The following ASTN1 variants were observed in gnomAD, a reference collection of about 807,000 sequenced individuals.
The protein encoded by ASTN1 is astrotactin-1.
Under a neutral mutation model 140.7 loss-of-function variants are expected in ASTN1, and 41 were observed. The ratio of observed to expected loss-of-function variants is 0.29; its 90% CI spans 0.23 to 0.38. The LOEUF is 0.38. ASTN1 is among the 10% of genes least tolerant of loss of function. The probability of loss-of-function intolerance (pLI) is 1.00; values close to 1 mark genes in which losing one functional copy is unlikely to be tolerated. For synonymous variants in ASTN1, 640 were observed against 652.2 expected, an observed-to-expected ratio of 0.98 and a Z score of 0.29; for missense variants, 1,479 against 1,678.8, an observed-to-expected ratio of 0.88 and a Z score of 2.08.
chr1:176,957,022 A>C (rs1400451460), intron 11 of ASTN1, among the ~76,000 whole-genome samples: 1 of 152,064 alleles, frequency 6.6e-6, no homozygotes. Context: ...CTCAGCCTCC[A>C]GAGTAGGTAA....
intron 2 of ASTN1, among the ~76,000 whole-genome samples, chr1:177,051,984 T>C (rs186500675): frequency 3.3e-5 from 5 of 152,302 alleles, no homozygotes; most frequent in Admixed American, 3.3e-4. Flanking sequence ...AATCATAAGA[T>C]ACCTGGTAGG....
intron 8 of ASTN1, among the ~76,000 whole-genome samples, chr1:176,994,155 G>A (rs1674327776): frequency 1.3e-5 from 2 of 150,982 alleles, no homozygotes; most frequent in Admixed American, 1.3e-4. Context: ...AAAATAGCAG[G>A]TAAATTCCTC....
chr1:177,063,842 G>A (rs192955771), intron 1 of ASTN1, among the ~76,000 whole-genome samples: 14 of 152,056 alleles, frequency 9.2e-5, no homozygotes, highest in African/African-American at 2.7e-4. Context: ...ACCTGATGAC[G>A]GAATTAAATC....
At chr1:177,131,495 C>T (rs1004749137) in intron 1 of ASTN1, among the ~76,000 whole-genome samples, 4 of 151,932 alleles carry the variant, frequency 2.6e-5, no homozygotes, top group African/African-American at 9.7e-5. Flanking sequence ...TAATAGTAAA[C>T]CCATCTGCTG....
chr1:177,130,940 C>A (rs1161301980), intron 1 of ASTN1, among the ~76,000 whole-genome samples: 1 of 152,180 alleles, frequency 6.6e-6, no homozygotes, highest in African/African-American at 2.4e-5. Context: ...GTTATTTTTT[C>A]TATCCTTAGA....
intron 8 of ASTN1, among the ~76,000 whole-genome samples, chr1:176,994,324 G>A (rs1174771233): frequency 6.6e-6 from 1 of 151,822 alleles, no homozygotes; most frequent in African/African-American, 2.4e-5. Context: ...CCTCTTTCCT[G>A]TCTCAATTAT....
chr1:176,877,353 A>G (rs934283776), intron 20 of ASTN1, among the ~76,000 whole-genome samples: 1 of 152,158 alleles, frequency 6.6e-6, no homozygotes, highest in African/African-American at 2.4e-5. Flanking sequence ...GATGCAAAAC[A>G]GCCCTAGTGG....
At chr1:177,122,340 G>A (rs1156433072) in intron 1 of ASTN1, among the ~76,000 whole-genome samples, 1 of 152,134 alleles carries the variant, frequency 6.6e-6, no homozygotes, top group Non-Finnish European at 1.5e-5. Context: ...ACAAAACCCA[G>A]AGAGTAGAAC....
Position 176,882,971 on chromosome 1 carries a change from C to T in ASTN1, c.3250G>A (p.Asp1084Asn), listed in dbSNP as rs768518262. The change falls in exon 20 of 23, where the codon GAC (aspartate) becomes AAC (asparagine). Residue 1084 changes from aspartate to asparagine, a missense_variant. Physicochemically the swap from Asp to Asn is conservative, Grantham distance 23. Transcript: ENST00000361833. ...GGAGACTTTGCTCCAGAGATGATGT[C>T]GTCCACAAAGCTCAGCACTGTTTCT... ...ETETVLSFVD[D>N]IISGAKSPCA... 37 of 1,613,954 alleles carry T rather than the reference C, an allele frequency of 2.3e-5. No individual in the cohort carries two copies. The highest frequency in any genetic ancestry group is 1.6e-4 in the South Asian group (15 of 91,078).
intron 16 of ASTN1, among the ~76,000 whole-genome samples, 195 bp from the exon 17 acceptor site, chr1:176,895,025 C>G (rs1185702127): frequency 6.6e-6 from 1 of 152,180 alleles, no homozygotes; most frequent in Non-Finnish European, 1.5e-5. Flanking sequence ...GGAAATGGCC[C>G]TTTTCAGTGA....
chr1:176,915,616 C>T (rs898941009), intron 16 of ASTN1, among the ~76,000 whole-genome samples: 1 of 152,162 alleles, frequency 6.6e-6, no homozygotes, highest in African/African-American at 2.4e-5. Flanking sequence ...TACACAGCTT[C>T]CGGTGGTATC....
chr1:176,894,499 C>G (rs955143610), intron 17 of ASTN1, 63 bp downstream of exon 17: 5 of 1,570,064 alleles, frequency 3.2e-6, no homozygotes, highest in Non-Finnish European at 4.3e-6. Context: ...CTTCCTCACA[C>G]CATTTGGAAA....
In ASTN1 at chr1:176,884,837, T is replaced by C. The variant is rs76862783; in HGVS notation, c.3075-347A>G. ...TATGGCTGGAAAATATCATAATTTC[T>C]AGATTTTCTCTTGAAAAATATCAAG... On this transcript the variant is annotated intron_variant, in intron 18 of 22. Coordinates refer to ENST00000361833, the MANE Select transcript of ASTN1 (RefSeq NM_004319.3). 6.7e-3 allele frequency among the ~76,000 whole-genome samples: 1,020 copies of C among 152,308 alleles called. 10 individuals carry two copies. The highest frequency in any genetic ancestry group is 0.023 in the African/African-American group (943 of 41,550).
At chr1:176,935,026 C>G (rs557274508) in intron 15 of ASTN1, among the ~76,000 whole-genome samples, 1 of 152,196 alleles carries the variant, frequency 6.6e-6, no homozygotes, top group Non-Finnish European at 1.5e-5. Context: ...GGCCTCCTCT[C>G]CCCCAACCCT....
In ASTN1 at chr1:177,160,501, A is replaced by T. The variant is rs541400861; in HGVS notation, c.283+3893T>A. On this transcript the variant is annotated intron_variant, in intron 1 of 22. Coordinates refer to ENST00000361833, the MANE Select transcript of ASTN1 (RefSeq NM_004319.3). ...ACAAGAGAAACATCTTTCTTCACTA[A>T]GTTGTACATATGCAAAAGCTCAACA... Among the ~76,000 whole-genome samples, 25 of 152,354 alleles carry T rather than the reference A, an allele frequency of 1.6e-4. 2 individuals carry two copies. In the South Asian group the frequency reaches 2.5e-3, roughly 15 times the overall value.
intron 8 of ASTN1, among the ~76,000 whole-genome samples, chr1:177,003,815 AAAAAAAAAGAAAG>A (rs1326726770): frequency 1.3e-5 from 2 of 151,164 alleles, no homozygotes; most frequent in East Asian, 3.9e-4. Flanking sequence ...TCTGTCTAAA[AAAAAAAAAGAAAG>A]AAAGAAAAGA....
At chr1:177,091,233 G>T (rs1328359230) in intron 1 of ASTN1, among the ~76,000 whole-genome samples, 1 of 152,156 alleles carries the variant, frequency 6.6e-6, no homozygotes, top group African/African-American at 2.4e-5. Context: ...CCTCATTGGA[G>T]TAACTATACT....
intron 1 of ASTN1, among the ~76,000 whole-genome samples, chr1:177,131,231 T>C (rs554328530): frequency 6.6e-6 from 1 of 152,336 alleles, no homozygotes; most frequent in Non-Finnish European, 1.5e-5. Flanking sequence ...AAAATGCTCA[T>C]ACCCTTTTGA....
At chr1:177,141,301 T>C (rs1682459734) in intron 1 of ASTN1, among the ~76,000 whole-genome samples, 1 of 152,168 alleles carries the variant, frequency 6.6e-6, no homozygotes, top group African/African-American at 2.4e-5. Flanking sequence ...GGAAAAGTAC[T>C]TAGCTCAGGA....
Sources: gnomAD v4.1 joint callset for allele counts (sites outside exome capture counted in the v4.1 genomes callset) on GRCh38, gnomAD v4.1.1 for gene constraint, MANE v1.5 for transcripts, NCBI Gene and HGNC (gene_info 2026-07-23, HGNC 2026-07-21) for gene names.